Variants in PAQR7 observed in about 807,000 individuals in gnomAD.
The protein encoded by PAQR7 is progestin and adipoQ receptor family member 7.
PAQR7 carries 14 observed loss-of-function variants against 24.6 expected under a neutral mutation model. The observed-to-expected ratio is 0.57, with a 90% CI of 0.38 to 0.89. The LOEUF (loss-of-function observed/expected upper bound fraction) is 0.89. Ranked by LOEUF, PAQR7 falls within the 40% of genes least tolerant of loss-of-function variation. PAQR7 has a pLI of 0.00. For synonymous variants in PAQR7, 189 were observed against 198.8 expected (o/e 0.95, Z 0.42); for missense variants, 351 against 444.0 (o/e 0.79, Z 1.88).
chr1:25,870,362 A>G (rs807066), intron 2 of PAQR7, among the ~76,000 whole-genome samples: 3,494 of 152,178 alleles, frequency 0.023, 123 homozygotes, highest in African/African-American at 0.077. Flanking sequence ...GAGCACTTCC[A>G]CAGATGAGGG....
At chr1:25,864,899 G>A (rs2048543945) in intron 2 of PAQR7, among the ~76,000 whole-genome samples, 1 of 152,108 alleles carries the variant, frequency 6.6e-6, no homozygotes, top group Non-Finnish European at 1.5e-5. Context: ...GCTCACATCT[G>A]TAATCCCAGC....
chr1:25,865,400 C>A (rs916852243), intron 2 of PAQR7, among the ~76,000 whole-genome samples: 2 of 151,838 alleles, frequency 1.3e-5, no homozygotes, highest in African/African-American at 2.4e-5. Context: ...CATGACCGGG[C>A]GCAGTGGCTC....
At chr1:25,865,720 T>C (rs982765496) in intron 2 of PAQR7, among the ~76,000 whole-genome samples, 1 of 152,088 alleles carries the variant, frequency 6.6e-6, no homozygotes, top group South Asian at 2.1e-4. Flanking sequence ...GGCAGGAGAA[T>C]GGCATGAACC....
intron 2 of PAQR7, among the ~76,000 whole-genome samples, chr1:25,869,205 C>T (rs1204429492): frequency 1.3e-5 from 2 of 152,028 alleles, no homozygotes; most frequent in African/African-American, 4.8e-5. Flanking sequence ...TTGCAATTAA[C>T]TCTCATAACT....
chr1:25,864,316 C>T (rs77605566), intron 2 of PAQR7, among the ~76,000 whole-genome samples: 5,881 of 152,156 alleles, frequency 0.039, 377 homozygotes, highest in African/African-American at 0.13. Flanking sequence ...AGACCCACTG[C>T]CTCTACCTAT....
In PAQR7 at chr1:25,875,095, A is replaced by T. The variant is rs1379449984; in HGVS notation, c.-109+393T>A. On this transcript the variant is annotated intron_variant, in intron 1 of 2. Coordinates refer to ENST00000675840, the MANE Select transcript of PAQR7 (RefSeq NM_178422.6). This position sits in a 1 kb window ranked among gnomAD's most constrained non-coding sequence, Gnocchi z 5.4. The stretch of plus-strand genomic sequence containing the variant: ...GGCCTTGCCCGGGCCAGACGCCCCT[A>T]CCCACTCCCTGCCCTCCATCCTTCA... 6.6e-6 allele frequency among the ~76,000 whole-genome samples: 1 copy of T among 151,678 alleles called. No homozygotes were observed. Among genetic ancestry groups the T allele is most frequent in the Non-Finnish European group, 1.5e-5 (1 of 67,908 alleles).
intron 2 of PAQR7, among the ~76,000 whole-genome samples, chr1:25,864,440 GAC>G (rs1383754753): frequency 5.3e-5 from 8 of 152,162 alleles, no homozygotes; most frequent in Non-Finnish European, 1.2e-4. Context: ...TTCAAATCCA[GAC>G]ACAGCCCCAC....
At chr1:25,865,084 G>A (rs1162083738) in intron 2 of PAQR7, among the ~76,000 whole-genome samples, 2 of 151,122 alleles carry the variant, frequency 1.3e-5, no homozygotes, top group African/African-American at 2.4e-5. Flanking sequence ...TGAACCCAGG[G>A]GGCGGAGCCT....
At chr1:25,865,943 A>C (rs1227337693) in intron 2 of PAQR7, among the ~76,000 whole-genome samples, 1 of 150,668 alleles carries the variant, frequency 6.6e-6, no homozygotes, top group Non-Finnish European at 1.5e-5. Context: ...CCGAGATCGC[A>C]CCATTGCACT....
intron 1 of PAQR7, among the ~76,000 whole-genome samples, chr1:25,873,953 G>A (rs759541552): frequency 6.6e-6 from 1 of 151,958 alleles, no homozygotes; most frequent in Non-Finnish European, 1.5e-5. Context: ...GCAAGATCTC[G>A]GCTCACTGCA....
chr1:25,872,162 G>C (rs978328023), intron 1 of PAQR7, among the ~76,000 whole-genome samples: 23 of 152,158 alleles, frequency 1.5e-4, no homozygotes, highest in Non-Finnish European at 3.1e-4. Context: ...GCTGCCTCTT[G>C]GGCTCTTGTG....
chr1:25,863,063 C>T lies in PAQR7; in HGVS notation c.777G>A (p.Met259Ile). The T allele has an allele frequency of 6.2e-7, 1 of 1,614,066 alleles. No homozygotes were observed. Among genetic ancestry groups the T allele is most frequent in the East Asian group, 2.2e-5 (1 of 44,884 alleles). ...AGCTGCCAGGGAACCAGCGCTCGGGCATGAAGGTAGAGAAGAAGGCAGCAG... is the reference window on the plus strand; with the variant it reads ...AGCTGCCAGGGAACCAGCGCTCGGGTATGAAGGTAGAGAAGAAGGCAGCAG... ...LLAAAFFSTF[M>I]PERWFPGSCH... The change falls in exon 3 of 3, where the codon ATG becomes ATA. Residue 259 changes from methionine (M) to isoleucine (I), a missense_variant. By Grantham distance (10) the Met-to-Ile change is conservative. Coordinates refer to ENST00000675840, the MANE Select transcript of PAQR7 (RefSeq NM_178422.6). The surrounding 1 kb of genome is among the most constrained non-coding windows in gnomAD (Gnocchi z 6.1).
Position 25,863,888 on chromosome 1 carries a change from G to A in PAQR7, c.-22-27C>T. ...TGGGAGAGAGACCAGAGCAAAGTCA[G>A]GGGCCTGGTGTCCTCACCCCCACGA... On this transcript the variant is annotated intron_variant, in intron 2 of 2. Coordinates refer to ENST00000675840, the MANE Select transcript of PAQR7 (RefSeq NM_178422.6). The surrounding 1 kb of genome is among the most constrained non-coding windows in gnomAD (Gnocchi z 6.1). 6.5e-7 allele frequency: 1 copy of A among 1,537,036 alleles called. No homozygotes were observed. The highest frequency in any genetic ancestry group is 8.8e-7 in the Non-Finnish European group (1 of 1,141,648).
chr1:25,870,117 G>A (rs924933021), intron 2 of PAQR7, among the ~76,000 whole-genome samples: 3 of 152,200 alleles, frequency 2.0e-5, no homozygotes, highest in South Asian at 2.1e-4. Context: ...TCAAGCCTGA[G>A]CCAGCAGGAT....
chr1:25,867,874 C>T (rs1212008300), intron 2 of PAQR7, among the ~76,000 whole-genome samples: 3 of 152,244 alleles, frequency 2.0e-5, no homozygotes, highest in Non-Finnish European at 4.4e-5. Context: ...AGTCGTTACA[C>T]TGCTGCACAG....
At chr1:25,866,336 T>C (rs1027574656) in intron 2 of PAQR7, among the ~76,000 whole-genome samples, 1 of 152,170 alleles carries the variant, frequency 6.6e-6, no homozygotes, top group African/African-American at 2.4e-5. Context: ...CTCTGGGGCC[T>C]CCTTACTGCT....
At chr1:25,869,467 G>A (rs987878591) in intron 2 of PAQR7, among the ~76,000 whole-genome samples, 1 of 151,828 alleles carries the variant, frequency 6.6e-6, no homozygotes, top group African/African-American at 2.4e-5. Flanking sequence ...AGCTACTCAG[G>A]AGGCTGAGGC....
In PAQR7 at chr1:25,863,502, G is replaced by A; in HGVS notation, c.338C>T (p.Ala113Val). 1 of 1,614,194 alleles carries A rather than the reference G, an allele frequency of 6.2e-7. No individual in the cohort carries two copies. The highest frequency in any genetic ancestry group is 8.5e-7 in the Non-Finnish European group (1 of 1,180,030). Residue 113 changes from alanine to valine, a missense_variant, in exon 3 of 3, where the codon GCC becomes GTC. By Grantham distance (64) the Ala-to-Val change is moderately conservative. Coordinates refer to ENST00000675840, the MANE Select transcript of PAQR7 (RefSeq NM_178422.6). The surrounding 1 kb of genome is among the most constrained non-coding windows in gnomAD (Gnocchi z 6.1). ...HALPLFIIVL[A>V]SFTYLSFSAL... ...ACTGAAGGAGAGGTAGGTGAAAGAG[G>A]CAAGGACAATGATGAAGAGGGGCAG... is the stretch of plus-strand genomic sequence containing the variant.
Position 25,862,685 on chromosome 1 carries a change from G to A in PAQR7, c.*114C>T. On this transcript the variant is annotated 3_prime_UTR_variant, in exon 3 of 3. Transcript: ENST00000675840. ...CCTTGGCAGTTGAGTCGTGCACAGA[G>A]AGTCACTGTGGGCCAGACACAAACA... is the stretch of plus-strand genomic sequence containing the variant. 1 of 1,137,396 alleles carries A rather than the reference G, an allele frequency of 8.8e-7. No individual in the cohort carries two copies. The highest frequency in any genetic ancestry group is 1.3e-6 in the Non-Finnish European group (1 of 799,214). 70.5% of individuals were successfully genotyped at this position (1,137,396 alleles called of 1,614,324 possible). A position where few individuals can be genotyped will look rare whatever the true frequency, so the allele number is the denominator to read the frequency against.
Sources: gnomAD v4.1 joint callset for allele counts (sites outside exome capture counted in the v4.1 genomes callset) on GRCh38, gnomAD v4.1.1 for gene constraint, Gnocchi (gnomAD v3.1) non-coding constraint, MANE v1.5 for transcripts, NCBI Gene and HGNC (gene_info 2026-07-23, HGNC 2026-07-21) for gene names.